LHFPL3: variants seen among roughly 807,000 people sequenced by gnomAD.
The protein encoded by LHFPL3 is LHFPL tetraspan subfamily member 3.
A neutral mutation model predicts 19.3 loss-of-function variants in LHFPL3; 5 were observed. That is an observed-to-expected ratio of 0.26 (90% CI 0.14 to 0.54). The LOEUF (loss-of-function observed/expected upper bound fraction) is 0.54. LHFPL3 is among the 20% of genes least tolerant of loss of function. The pLI is 0.94. For missense variants in LHFPL3, 249 were observed against 307.4 expected (o/e 0.81, Z 1.42); for synonymous variants, 133 against 126.2 (o/e 1.05, Z -0.36).
At chr7:104,652,046 T>A (rs1467372001) in intron 1 of LHFPL3, among the ~76,000 whole-genome samples, 1 of 152,224 alleles carries the variant, frequency 6.6e-6, no homozygotes, top group East Asian at 1.9e-4. Flanking sequence ...GAGAGGCATC[T>A]GAGTTTGCAA....
In LHFPL3 at chr7:104,551,639, T is replaced by G. The variant is rs140827229; in HGVS notation, c.446-185036T>G. Among the ~76,000 whole-genome samples the G allele has an allele frequency of 8.5e-5, 13 of 152,244 alleles. 1 individual carries two copies. Among genetic ancestry groups the G allele is most frequent in the Non-Finnish European group, 1.8e-4 (12 of 68,020 alleles). Reference sequence around the variant, plus strand: ...ATAGTAATAATAGTTACAGTGCCAGTGACAGAGTGGAAAACCAGGCATGTT... The same window carrying G: ...ATAGTAATAATAGTTACAGTGCCAGGGACAGAGTGGAAAACCAGGCATGTT... On this transcript the variant is annotated intron_variant, in intron 1 of 2. Coordinates refer to ENST00000424859, the MANE Select transcript of LHFPL3 (RefSeq NM_199000.3).
rs139530475 is a variant in LHFPL3 at position 104,761,928 on chromosome 7, C to T, written c.682+25017C>T. On this transcript the variant is annotated intron_variant, in intron 2 of 2. Transcript: ENST00000424859. ...AGGAGGAAGGTGAACAGATTTTTGCCAGATACCACCAAAGTATTTTCTAAC... is the reference window on the plus strand; with the variant it reads ...AGGAGGAAGGTGAACAGATTTTTGCTAGATACCACCAAAGTATTTTCTAAC... 3.6e-4 allele frequency among the ~76,000 whole-genome samples: 55 copies of T among 152,280 alleles called. No homozygotes were observed. The East Asian group carries it at 9.4e-3, about 26-fold the overall frequency.
At chr7:104,594,848 A>C (rs973733059) in intron 1 of LHFPL3, among the ~76,000 whole-genome samples, 2 of 152,202 alleles carry the variant, frequency 1.3e-5, no homozygotes, top group Admixed American at 1.3e-4. Context: ...AAGCTTGTGC[A>C]TGCATCACGA....
At chr7:104,609,838 A>T (rs1270312907) in intron 1 of LHFPL3, among the ~76,000 whole-genome samples, 1 of 152,246 alleles carries the variant, frequency 6.6e-6, no homozygotes, top group African/African-American at 2.4e-5. Context: ...TTCTGGGAAG[A>T]CATGGTATTG....
intron 1 of LHFPL3, among the ~76,000 whole-genome samples, chr7:104,334,606 C>G (rs902625109): frequency 6.6e-6 from 1 of 152,120 alleles, no homozygotes; most frequent in African/African-American, 2.4e-5. Flanking sequence ...CTTTGAAAGC[C>G]GTGATACTCA....
intron 1 of LHFPL3, among the ~76,000 whole-genome samples, chr7:104,712,328 G>A (rs1435883812): frequency 6.6e-6 from 1 of 152,152 alleles, no homozygotes; most frequent in East Asian, 1.9e-4. Context: ...AGCAGCTCTG[G>A]CATCTGGTGA....
At position 104,905,179 on chromosome 7, in the gene LHFPL3, C is replaced by T. The variant is rs550680913; in HGVS notation, c.683-1008C>T. 3.9e-5 allele frequency among the ~76,000 whole-genome samples: 6 copies of T among 152,228 alleles called. 1 individual carries two copies. The South Asian group carries it at 1.2e-3, about 32-fold the overall frequency. On this transcript the variant is annotated intron_variant, in intron 2 of 2. Transcript: ENST00000424859. ...ATGATGACTACAAGCTGATCTCAAA[C>T]TTCTGAGCTCAAAAGATCCTCCCGC...
At chr7:104,392,354 T>C (rs1229645426) in intron 1 of LHFPL3, among the ~76,000 whole-genome samples, 94 of 151,396 alleles carry the variant, frequency 6.2e-4, no homozygotes, top group African/African-American at 2.0e-3. Context: ...TTTTGAGATA[T>C]GTCCCATCAA....
At chr7:104,686,473 G>A (rs1047217559) in intron 1 of LHFPL3, among the ~76,000 whole-genome samples, 2 of 152,162 alleles carry the variant, frequency 1.3e-5, no homozygotes, top group South Asian at 2.1e-4. Flanking sequence ...AGTGTTTTTT[G>A]TACTCTCACT....
chr7:104,728,945 T>C (rs1169991241), intron 1 of LHFPL3, among the ~76,000 whole-genome samples: 1 of 152,166 alleles, frequency 6.6e-6, no homozygotes, highest in East Asian at 1.9e-4. Flanking sequence ...CAAAAAATAG[T>C]ATCCTGTATA....
chr7:104,544,713 T>C (rs1794547898), intron 1 of LHFPL3, among the ~76,000 whole-genome samples: 1 of 152,172 alleles, frequency 6.6e-6, no homozygotes, highest in African/African-American at 2.4e-5. Flanking sequence ...GCAAAGATGA[T>C]TTTTTTAAGA....
At chr7:104,491,000 A>G (rs908259942) in intron 1 of LHFPL3, among the ~76,000 whole-genome samples, 5 of 152,108 alleles carry the variant, frequency 3.3e-5, no homozygotes, top group African/African-American at 1.2e-4. Context: ...AAGTTCCTGT[A>G]CAGAACTTGG....
intron 2 of LHFPL3, among the ~76,000 whole-genome samples, chr7:104,751,631 C>T (rs1794175199): frequency 1.3e-5 from 2 of 151,126 alleles, no homozygotes; most frequent in African/African-American, 4.8e-5. Context: ...CAGAATCTCC[C>T]AATCATAAGG....
intron 1 of LHFPL3, among the ~76,000 whole-genome samples, chr7:104,614,657 T>TCTTCTCTTCTCTTCTCTTCTC (rs756087377): frequency 9.7e-5 from 8 of 82,502 alleles, no homozygotes; most frequent in Admixed American, 2.8e-4. Flanking sequence ...TCTTCTCTCC[T>TCTTCTCTTCTCTTCTCTTCTC]TCCTTCCTTC....
chr7:104,341,943 T>G (rs764544541), intron 1 of LHFPL3, among the ~76,000 whole-genome samples: 34 of 152,178 alleles, frequency 2.2e-4, no homozygotes, highest in Non-Finnish European at 4.4e-4. Context: ...AAGGGAAAGC[T>G]CCTTTACCTA....
intron 1 of LHFPL3, among the ~76,000 whole-genome samples, chr7:104,386,530 G>T (rs930275928): frequency 1.3e-5 from 2 of 152,196 alleles, no homozygotes; most frequent in Non-Finnish European, 2.9e-5. Flanking sequence ...AGAAAGTCAC[G>T]TGTGTATTCA....
In LHFPL3 at chr7:104,558,627, G is replaced by A. The variant is rs917189839; in HGVS notation, c.446-178048G>A. On this transcript the variant is annotated intron_variant, in intron 1 of 2. Coordinates refer to ENST00000424859, the MANE Select transcript of LHFPL3 (RefSeq NM_199000.3). The stretch of plus-strand genomic sequence containing the variant: ...GCGAAAATTTTCTCCCGTTTTGTAG[G>A]TTGCCTGTTCACTCTGATGGTAGTT... Among the ~76,000 whole-genome samples, 329 of 150,954 alleles carry A rather than the reference G, an allele frequency of 2.2e-3. 2 individuals carry two copies. The highest frequency in any genetic ancestry group is 7.7e-3 in the African/African-American group (312 of 40,442).
chr7:104,462,566 C>A (rs1405492904), intron 1 of LHFPL3, among the ~76,000 whole-genome samples: 2 of 152,162 alleles, frequency 1.3e-5, no homozygotes, highest in Non-Finnish European at 2.9e-5. Flanking sequence ...GTTGAACCAA[C>A]CTTGTATCCC....
intron 1 of LHFPL3, among the ~76,000 whole-genome samples, chr7:104,684,643 T>C (rs1483068722): frequency 6.6e-6 from 1 of 152,228 alleles, no homozygotes; most frequent in Non-Finnish European, 1.5e-5. Flanking sequence ...TCTGGTCTTC[T>C]GTCCCACTGG....
Sources: allele counts gnomAD v4.1 joint callset (sites outside exome capture counted in the v4.1 genomes callset), GRCh38; gene constraint gnomAD v4.1.1; transcripts MANE v1.5; gene names NCBI Gene and HGNC (gene_info 2026-07-23, HGNC 2026-07-21).